The following RIMS2 variants were observed in gnomAD, a reference collection of about 807,000 sequenced individuals.
RIMS2 encodes the protein regulating synaptic membrane exocytosis protein 2.
A neutral mutation model predicts 174.4 loss-of-function variants in RIMS2; 59 were observed. That is an observed-to-expected ratio of 0.34 (90% CI 0.27 to 0.42). The LOEUF is 0.42. RIMS2 is among the 10% of genes least tolerant of loss of function. The pLI is 1.00. For synonymous variants in RIMS2, 606 were observed against 572.5 expected, an observed-to-expected ratio of 1.06 and a Z score of -0.84; for missense variants, 1,620 against 1,666.3, an observed-to-expected ratio of 0.97 and a Z score of 0.48.
At chr8:104,224,214 C>G (rs2099170839) in intron 19 of RIMS2, among the ~76,000 whole-genome samples, 1 of 152,156 alleles carries the variant, frequency 6.6e-6, no homozygotes, top group South Asian at 2.1e-4. Flanking sequence ...ACAGGAATGT[C>G]AGCCTATGAA....
rs997097562 is a variant in RIMS2, at chr8:103,518,006, C to T, written c.176+16944C>T. 2.6e-5 allele frequency among the ~76,000 whole-genome samples: 4 copies of T among 151,836 alleles called. No homozygotes were observed. In the South Asian group the frequency reaches 6.2e-4, roughly 24 times the overall value. On this transcript the variant is annotated intron_variant, in intron 1 of 23. Transcript: ENST00000504942. Reference sequence around the variant, plus strand: ...GCCACATTCAAAGCTGCCCTTGGCCCGCGGGTTGGACAGGCTCAATCTAGA... The same window carrying T: ...GCCACATTCAAAGCTGCCCTTGGCCTGCGGGTTGGACAGGCTCAATCTAGA...
chr8:103,854,086 C>A (rs74741773), intron 3 of RIMS2, among the ~76,000 whole-genome samples: 18,850 of 151,860 alleles, frequency 0.12, 1,274 homozygotes, highest in Middle Eastern at 0.22. Flanking sequence ...CATAGTTCTC[C>A]TTCTAGAACC....
In RIMS2 at chr8:104,215,926, A is replaced by T. The variant is rs187748529; in HGVS notation, c.3335-28990A>T. 3.3e-5 allele frequency among the ~76,000 whole-genome samples: 5 copies of T among 152,340 alleles called. No individual in the cohort carries two copies. The East Asian group carries it at 9.6e-4, about 29-fold the overall frequency. On this transcript the variant is annotated intron_variant, in intron 19 of 23. Coordinates refer to ENST00000504942, the Ensembl canonical transcript of RIMS2. ...AGTAGTTATTATGGGCAGGGTAGAG[A>T]AACTTCCATTTTCAGTTTTCTTTGT...
At chr8:103,666,584 G>A (rs898900776) in intron 1 of RIMS2, among the ~76,000 whole-genome samples, 1 of 152,144 alleles carries the variant, frequency 6.6e-6, no homozygotes, top group African/African-American at 2.4e-5. Flanking sequence ...ATGCTGGAAT[G>A]TCCTGTTTTC....
At chr8:103,823,906 A>C (rs1223827921) in intron 3 of RIMS2, among the ~76,000 whole-genome samples, 5 of 152,048 alleles carry the variant, frequency 3.3e-5, no homozygotes, top group African/African-American at 1.2e-4. Context: ...TAATATACAC[A>C]TTTTATGTAC....
chr8:103,876,379 G>GTT (rs72544686), intron 3 of RIMS2, among the ~76,000 whole-genome samples: 3 of 150,618 alleles, frequency 2.0e-5, no homozygotes, highest in African/African-American at 7.3e-5. Flanking sequence ...CCAGTGTATG[G>GTT]TTTTTTTTTA....
chr8:103,865,289 T>C (rs902143884), intron 3 of RIMS2, among the ~76,000 whole-genome samples: 9 of 145,142 alleles, frequency 6.2e-5, no homozygotes, highest in East Asian at 2.0e-4. Flanking sequence ...TTTTTCTTTT[T>C]TTTTTTTTTT....
At chr8:103,537,428 A>C (rs1840333219) in intron 1 of RIMS2, among the ~76,000 whole-genome samples, 1 of 152,226 alleles carries the variant, frequency 6.6e-6, no homozygotes, top group African/African-American at 2.4e-5. Flanking sequence ...AGATATTGTT[A>C]AGGATATGAC....
At chr8:104,059,915 G>T (rs1385694101) in intron 19 of RIMS2, among the ~76,000 whole-genome samples, 2 of 152,290 alleles carry the variant, frequency 1.3e-5, no homozygotes, top group South Asian at 2.1e-4. Flanking sequence ...TCCCAGGGAT[G>T]AATCCCACTT....
intron 4 of RIMS2, among the ~76,000 whole-genome samples, chr8:103,888,389 G>T (rs1186101012): frequency 1.3e-5 from 2 of 151,278 alleles, no homozygotes; most frequent in Admixed American, 1.3e-4. Flanking sequence ...AGTATATAGA[G>T]ATTTTATTTT....
At chr8:103,837,728 A>G (rs1243460891) in intron 3 of RIMS2, among the ~76,000 whole-genome samples, 3 of 150,890 alleles carry the variant, frequency 2.0e-5, no homozygotes, top group Non-Finnish European at 4.4e-5. Flanking sequence ...TCCATGGTGT[A>G]TATGTGCCAC....
rs549746268 is a variant in RIMS2, at chr8:104,228,308, A to G, written c.3335-16608A>G. On this transcript the variant is annotated intron_variant, in intron 19 of 23. Transcript: ENST00000504942. Reference sequence around the variant, plus strand: ...CTCCCAAAGTGCTGAGATTACAGGCATGAGCCACCGTGCCCGGCCTAGCTT... The same window carrying G: ...CTCCCAAAGTGCTGAGATTACAGGCGTGAGCCACCGTGCCCGGCCTAGCTT... 1.8e-4 allele frequency among the ~76,000 whole-genome samples: 28 copies of G among 152,150 alleles called. No individual in the cohort carries two copies. The East Asian group carries it at 4.8e-3, about 26-fold the overall frequency.
intron 19 of RIMS2, among the ~76,000 whole-genome samples, chr8:104,215,082 A>G (rs1232689836): frequency 6.6e-6 from 1 of 152,254 alleles, no homozygotes; most frequent in Non-Finnish European, 1.5e-5. Context: ...GTCTTCATAC[A>G]TAATAAAAAA....
intron 2 of RIMS2, among the ~76,000 whole-genome samples, chr8:103,699,725 A>G (rs2097147486): frequency 6.6e-6 from 1 of 152,116 alleles, no homozygotes; most frequent in African/African-American, 2.4e-5. Context: ...GTCACATGCT[A>G]TAAATGTTCC....
At chr8:103,601,905 A>G (rs1257246627) in intron 1 of RIMS2, among the ~76,000 whole-genome samples, 1 of 152,146 alleles carries the variant, frequency 6.6e-6, no homozygotes, top group Non-Finnish European at 1.5e-5. Context: ...CTGATAGCAT[A>G]AACAAACAAA....
At chr8:104,111,551 G>A (rs1408102097) in intron 19 of RIMS2, among the ~76,000 whole-genome samples, 3 of 152,134 alleles carry the variant, frequency 2.0e-5, no homozygotes, top group Admixed American at 6.5e-5. Flanking sequence ...GGGACTACAG[G>A]TGCCTGCCAC....
At chr8:103,662,310 T>C (rs2096611229) in intron 1 of RIMS2, among the ~76,000 whole-genome samples, 1 of 152,184 alleles carries the variant, frequency 6.6e-6, no homozygotes, top group Non-Finnish European at 1.5e-5. Context: ...GTGCATCATA[T>C]AGTAGTAGGA....
At chr8:103,586,720 GAAGAA>G (rs2093941538) in intron 1 of RIMS2, among the ~76,000 whole-genome samples, 2 of 151,868 alleles carry the variant, frequency 1.3e-5, no homozygotes, top group Admixed American at 1.3e-4. Flanking sequence ...AAAATTTGTA[GAAGAA>G]AAGAAAGAAT....
chr8:103,500,626 G>T, upstream of RIMS2: 1 of 415,330 alleles, frequency 2.4e-6, no homozygotes, highest in Non-Finnish European at 4.3e-6. Flanking sequence ...CCTTTCCCTT[G>T]AACCGCTCAC....
Sources: gnomAD v4.1 joint callset for allele counts (sites outside exome capture counted in the v4.1 genomes callset) on GRCh38, gnomAD v4.1.1 for gene constraint, MANE v1.5 for transcripts, NCBI Gene and HGNC (gene_info 2026-07-23, HGNC 2026-07-21) for gene names.